Variants in BARHL2 observed in about 807,000 individuals in gnomAD.
BARHL2 encodes BarH like homeobox 2, also known as barH-like 2 homeobox protein.
In BARHL2, 10 loss-of-function variants were observed where a neutral mutation model predicts 27.1. The observed-to-expected ratio is 0.37, with a 90% CI of 0.23 to 0.63. BARHL2 has a LOEUF of 0.63. BARHL2 is among the 20% of genes least tolerant of loss of function. The probability of loss-of-function intolerance (pLI) is 0.65; values close to 1 mark genes in which losing one functional copy is unlikely to be tolerated. For missense variants in BARHL2, 483 were observed against 533.5 expected (o/e 0.91, Z 0.93); for synonymous variants, 248 against 224.7 (o/e 1.10, Z -0.93).
rs1047412884 is a variant in BARHL2, at chr1:90,712,466, A to G, written c.1010T>C (p.Met337Thr). The change falls in exon 3 of 3, where the codon ATG becomes ACG. Residue 337 changes from methionine to threonine, a missense_variant. By Grantham distance (81) the Met-to-Thr change is moderately conservative. Coordinates refer to ENST00000370445, the MANE Select transcript of BARHL2 (RefSeq NM_020063.2). ...AGGAGTCCGGTACATGCTGCTGTAC[A>G]TGGCAGCGGCAGCCGCCGCCGCCGT... Reference protein sequence around the residue: ...STTAAAAAAAMYSSMYRTPPA... With the variant: ...STTAAAAAAATYSSMYRTPPA... 3 of 1,612,760 alleles carry G rather than the reference A, an allele frequency of 1.9e-6. No homozygotes were observed. The highest frequency in any genetic ancestry group is 2.2e-5 in the East Asian group (1 of 44,850).
rs555932723 is a variant in BARHL2, at chr1:90,716,840, T to G, written c.356A>C (p.Gln119Pro). Residue 119 changes from glutamine to proline, a missense_variant, in exon 1 of 3, where the codon CAG (glutamine) becomes CCG (proline). Coordinates refer to ENST00000370445, the MANE Select transcript of BARHL2 (RefSeq NM_020063.2). Reference protein sequence around the residue: ...PQQQQPLPPQQPPPPPPQQLG... With the variant: ...PQQQQPLPPQPPPPPPPQQLG... ...CTGCTGGGGGGGCGGCGGCGGCGGC[T>G]GCTGTGGCGGCAGCGGCTGCTGCTG... The G allele has an allele frequency of 2.6e-5, 41 of 1,555,694 alleles. No individual in the cohort carries two copies. In the African/African-American group the frequency reaches 4.9e-4, roughly 19 times the overall value.
Position 90,712,077 on chromosome 1 carries a change from T to C in BARHL2, c.*235A>G. On this transcript the variant is annotated 3_prime_UTR_variant, in exon 3 of 3. Coordinates refer to ENST00000370445, the MANE Select transcript of BARHL2 (RefSeq NM_020063.2). ...GGGTCAGCATTTTCACCAGTCACAC[T>C]GCTGTGGGGGAGATTTCCAGCCCTG... 1 of 403,288 alleles carries C rather than the reference T, an allele frequency of 2.5e-6. No homozygotes were observed. The highest frequency in any genetic ancestry group is 4.3e-6 in the Non-Finnish European group (1 of 230,346). 25.0% of individuals were successfully genotyped at this position (403,288 alleles called of 1,614,324 possible).
chr1:90,714,971 T>C (rs998044447), intron 1 of BARHL2, among the ~76,000 whole-genome samples: 1 of 152,162 alleles, frequency 6.6e-6, no homozygotes, highest in Non-Finnish European at 1.5e-5. Flanking sequence ...TGTTTAGAGT[T>C]TCTAAAGGGG....
At chr1:90,714,241 T>C (rs1300906747) in intron 2 of BARHL2, among the ~76,000 whole-genome samples, 8 of 152,188 alleles carry the variant, frequency 5.3e-5, no homozygotes, top group South Asian at 2.1e-4. Context: ...TGTGGCTTCA[T>C]TGATTTGGGG....
chr1:90,714,039 C>T (rs539228957), intron 2 of BARHL2, among the ~76,000 whole-genome samples: 9 of 152,334 alleles, frequency 5.9e-5, no homozygotes, highest in East Asian at 1.9e-4. Flanking sequence ...TTCTCCCAGC[C>T]GCCTCACAGG....
At position 90,714,580 on chromosome 1, in the gene BARHL2, C is replaced by T. The variant is rs1658105022; in HGVS notation, c.802G>A (p.Ala268Thr). The T allele has an allele frequency of 6.2e-7, 1 of 1,614,194 alleles. No individual in the cohort carries two copies. The change falls in exon 2 of 3, where the codon GCG becomes ACG. Residue 268 changes from alanine (A) to threonine (T), a missense_variant. Ala to Thr is a moderately conservative substitution (Grantham distance 58). Transcript: ENST00000370445. ...SVQDRMDLAA[A>T]LNLTDTQVKT... ...ACTTGGGTGTCAGTGAGGTTGAGCGCTGCAGCCAGGTCCATGCGATCCTGC... is the reference window on the plus strand; with the variant it reads ...ACTTGGGTGTCAGTGAGGTTGAGCGTTGCAGCCAGGTCCATGCGATCCTGC...
At chr1:90,713,419 CG>C (rs773603677) in intron 2 of BARHL2, among the ~76,000 whole-genome samples, 16 of 152,200 alleles carry the variant, frequency 1.1e-4, no homozygotes, top group Non-Finnish European at 1.8e-4. Context: ...AAGAAGAGAG[CG>C]GGCGTTTGCT....
rs755229863 is a variant in BARHL2 at position 90,714,685 on chromosome 1, G to A, written c.697C>T (p.Arg233Ter). The A allele has an allele frequency of 1.2e-6, 2 of 1,614,174 alleles. No homozygotes were observed. Among genetic ancestry groups the A allele is most frequent in the East Asian group, 2.2e-5 (1 of 44,878 alleles). Reference protein sequence around the residue: ...ESPPVRAKKPRKARTAFSDHQ... With the variant: ...ESPPVRAKKP ...TCGGAAAAAGCTGTCCTTGCTTTTC[G>A]AGGCTTCTTGGCTCTCACAGGGGGA... The change falls in exon 2 of 3, where the codon CGA becomes TGA. Residue 233 changes from arginine (R) to a stop codon, truncating the protein, a stop_gained. Coordinates refer to ENST00000370445, the MANE Select transcript of BARHL2 (RefSeq NM_020063.2). LOFTEE classifies it high-confidence loss of function.
chr1:90,716,860 C>CTGCTGT lies in BARHL2; in HGVS notation c.330_335dup (p.Gln112_Gln113dup). ...GCGGCTGCTGTGGCGGCAGCGGCTGCTGCTGTTGGGGCAAAGGCTGCAAAC... is the reference window on the plus strand; with the variant it reads ...GCGGCTGCTGTGGCGGCAGCGGCTGCTGCTGTTGCTGTTGGGGCAAAGGCTGCAAAC... On this transcript the variant is annotated inframe_insertion, in exon 1 of 3. Coordinates refer to ENST00000370445, the MANE Select transcript of BARHL2 (RefSeq NM_020063.2). 6.4e-7 allele frequency: 1 copy of CTGCTGT among 1,559,124 alleles called. No individual in the cohort carries two copies. Among genetic ancestry groups the CTGCTGT allele is most frequent in the Non-Finnish European group, 8.7e-7 (1 of 1,152,952 alleles).
rs1452808912 is a variant in BARHL2 at position 90,716,837 on chromosome 1, G to T, written c.359C>A (p.Pro120Gln). 1.9e-6 allele frequency: 3 copies of T among 1,554,130 alleles called. No individual in the cohort carries two copies. Among genetic ancestry groups the T allele is most frequent in the African/African-American group, 1.4e-5 (1 of 73,054 alleles). Reference protein sequence around the residue: ...QQQQPLPPQQPPPPPPQQLGS... With the variant: ...QQQQPLPPQQQPPPPPQQLGS... ...CAGCTGCTGGGGGGGCGGCGGCGGC[G>T]GCTGCTGTGGCGGCAGCGGCTGCTG... The change falls in exon 1 of 3, where the codon CCG becomes CAG. Residue 120 changes from proline to glutamine, a missense_variant. Physicochemically the swap from Pro to Gln is moderately conservative, Grantham distance 76. This residue lies in a region of BARHL2 where 304 missense variants were observed against 284.9 expected (regional missense o/e 1.07). Coordinates refer to ENST00000370445, the MANE Select transcript of BARHL2 (RefSeq NM_020063.2).
At chr1:90,714,470 G>T in intron 2 of BARHL2, 61 bp downstream of exon 2, 3 of 1,464,976 alleles carry the variant, frequency 2.0e-6, no homozygotes, top group Non-Finnish European at 2.9e-6. Context: ...GAAGAAGATT[G>T]GTATAATGAT....
Position 90,712,550 on chromosome 1 carries a change from C to G in BARHL2, c.926G>C (p.Arg309Thr). Residue 309 changes from arginine (R) to threonine (T), a missense_variant, in exon 3 of 3, where the codon AGG (arginine) becomes ACG (threonine). Arg to Thr is a moderately conservative substitution (Grantham distance 71, BLOSUM62 -1). Around this residue, in one of 3 missense-constraint regions of BARHL2, gnomAD observed 130 missense variants for 138.0 expected, o/e 0.94. Transcript: ENST00000370445. ...AEAGNYSALQ[R>T]MFPSPYFYHP... The stretch of plus-strand genomic sequence containing the variant: ...ATAGAAATAAGGCGATGGAAACATC[C>G]TCTGCAGCGCCGAGTAGTTCCCTGC... The G allele has an allele frequency of 6.2e-7, 1 of 1,613,938 alleles. No homozygotes were observed. Among genetic ancestry groups the G allele is most frequent in the Non-Finnish European group, 8.5e-7 (1 of 1,179,972 alleles).
Position 90,716,997 on chromosome 1 carries a change from A to C in BARHL2, c.199T>G (p.Ser67Ala), listed in dbSNP as rs1658165341. The change falls in exon 1 of 3, where the codon TCA (serine) becomes GCA (alanine). Residue 67 changes from serine (S) to alanine (A), a missense_variant. This residue lies in a region of BARHL2 where 304 missense variants were observed against 284.9 expected (regional missense o/e 1.07). Coordinates refer to ENST00000370445, the MANE Select transcript of BARHL2 (RefSeq NM_020063.2). ...TVGTAPSSPI[S>A]VTMEPPEPHL... ...GGCTCCGGGGGCTCCATGGTGACTG[A>C]GATAGGAGAAGAAGGCGCCGTCCCT... The C allele has an allele frequency of 6.2e-7, 1 of 1,613,596 alleles. No homozygotes were observed. The highest frequency in any genetic ancestry group is 8.5e-7 in the Non-Finnish European group (1 of 1,179,882).
At position 90,716,989 on chromosome 1, in the gene BARHL2, G is replaced by A. The variant is rs1195706707; in HGVS notation, c.207C>T (p.Thr69=). ...CCAGATGCGGCTCCGGGGGCTCCAT[G>A]GTGACTGAGATAGGAGAAGAAGGCG... ...GTAPSSPISV[T]MEPPEPHLVA... The change falls in exon 1 of 3, where the codon ACC becomes ACT. Residue 69 remains threonine, a synonymous_variant. Transcript: ENST00000370445. 11 of 1,613,680 alleles carry A rather than the reference G, an allele frequency of 6.8e-6. No individual in the cohort carries two copies. In the African/African-American group the frequency reaches 1.3e-4, roughly 20 times the overall value.
rs772280392 is a variant in BARHL2 at position 90,712,387 on chromosome 1, G to A, written c.1089C>T (p.His363=). ...CTGGCTGTCCCCCAGGCCCTAGGCC[G>A]TGGATGAGCACACGGGGCACCAGGG... ...QRPLVPRVLI[H]GLGPGGQPAL... Residue 363 remains histidine, a synonymous_variant, in exon 3 of 3, where the codon CAC becomes CAT. Coordinates refer to ENST00000370445, the MANE Select transcript of BARHL2 (RefSeq NM_020063.2). The A allele has an allele frequency of 3.3e-5, 52 of 1,586,590 alleles. No individual in the cohort carries two copies. Among genetic ancestry groups the A allele is most frequent in the Non-Finnish European group, 3.4e-5 (40 of 1,164,918 alleles).
Position 90,717,160 on chromosome 1 carries a change from T to G in BARHL2, c.36A>C (p.Gly12=). 6.2e-7 allele frequency: 1 copy of G among 1,613,522 alleles called. No individual in the cohort carries two copies. Among genetic ancestry groups the G allele is most frequent in the Non-Finnish European group, 8.5e-7 (1 of 1,179,880 alleles). The change falls in exon 1 of 3, where the codon GGA becomes GGC. Residue 12 remains glycine (G), a synonymous_variant. Transcript: ENST00000370445. ...TGGCACTGGACAAAATCGTGTCTAT[T>G]CCAAAACTCGACCCGCTGGCCCCTT... ...TMEGASGSSF[G]IDTILSSASS...
At position 90,712,271 on chromosome 1, in the gene BARHL2, G is replaced by T. The variant is rs1490738908; in HGVS notation, c.*41C>A. On this transcript the variant is annotated 3_prime_UTR_variant, in exon 3 of 3. Coordinates refer to ENST00000370445, the MANE Select transcript of BARHL2 (RefSeq NM_020063.2). ...ACGGGCAGCAGTCCGGGTTGGGCAGGGATATGGGGAAGGGATTGCAGTGCC... is the reference window on the plus strand; with the variant it reads ...ACGGGCAGCAGTCCGGGTTGGGCAGTGATATGGGGAAGGGATTGCAGTGCC... 3 of 1,426,754 alleles carry T rather than the reference G, an allele frequency of 2.1e-6. No homozygotes were observed. The highest frequency in any genetic ancestry group is 3.0e-5 in the South Asian group (2 of 65,842). 88.4% of individuals were successfully genotyped at this position (1,426,754 alleles called of 1,614,324 possible).
Position 90,716,573 on chromosome 1 carries a change from T to C in BARHL2, c.623A>G (p.His208Arg). The C allele has an allele frequency of 4.3e-6, 7 of 1,614,074 alleles. No individual in the cohort carries two copies. Among genetic ancestry groups the C allele is most frequent in the Non-Finnish European group, 5.9e-6 (7 of 1,179,996 alleles). Reference sequence around the variant, plus strand: ...GAGCGCCGGGTGGCGGGACTCACCGTGGCATTTGATGTCGCTCTGGGAATC... The same window carrying C: ...GAGCGCCGGGTGGCGGGACTCACCGCGGCATTTGATGTCGCTCTGGGAATC... ...REDSQSDIKC[H>R]GTKEEGDREI... Residue 208 changes from histidine (H) to arginine (R), a missense_variant and splice_region_variant, in exon 1 of 3, where the codon CAC becomes CGC. By Grantham distance (29) the His-to-Arg change is conservative. This residue lies in a region of BARHL2 where 304 missense variants were observed against 284.9 expected (regional missense o/e 1.07). Coordinates refer to ENST00000370445, the MANE Select transcript of BARHL2 (RefSeq NM_020063.2).
In BARHL2 at chr1:90,712,234, A is replaced by G; in HGVS notation, c.*78T>C. On this transcript the variant is annotated 3_prime_UTR_variant, in exon 3 of 3. Transcript: ENST00000370445. ...CTGCAAGGGAGGCCTAGTGGCCTGG[A>G]GCAGGGAGAGGACGGGCAGCAGTCC... is the stretch of plus-strand genomic sequence containing the variant. 7.3e-7 allele frequency: 1 copy of G among 1,376,524 alleles called. No individual in the cohort carries two copies. The highest frequency in any genetic ancestry group is 1.7e-5 in the South Asian group (1 of 59,922). The allele number at this position is 1,376,524 out of a possible 1,614,324, so 85.3% of individuals were successfully genotyped here. A position where few individuals can be genotyped will look rare whatever the true frequency, so the allele number is the denominator to read the frequency against.
Sources: gnomAD v4.1 joint callset for allele counts (sites outside exome capture counted in the v4.1 genomes callset) on GRCh38, gnomAD v4.1.1 for gene constraint, gnomAD v4.1.1 regional missense constraint, MANE v1.5 for transcripts, NCBI Gene and HGNC (gene_info 2026-07-23, HGNC 2026-07-21) for gene names.